Variants in GSTT4 observed in about 807,000 individuals in gnomAD.
GSTT4 encodes glutathione S-transferase theta 4, also known as glutathione S-transferase theta-4.
At chr22:23,992,992 T>C in the GSTT4 span, among the ~76,000 whole-genome samples, 3 of 152,124 alleles carry the variant, frequency 2.0e-5, no homozygotes, top group African/African-American at 4.8e-5. Context: ...AGGGTGCTCT[T>C]GAATTCCTTG....
chr22:24,002,830 C>CAA (rs57115393), intron 2 of GSTT4, among the ~76,000 whole-genome samples: 2,506 of 88,870 alleles, frequency 0.028, 158 homozygotes, highest in East Asian at 0.19. Context: ...GACTCCGTCT[C>CAA]AAAAAAAAAA....
chr22:23,991,782 C>T, the GSTT4 span, among the ~76,000 whole-genome samples: 8 of 141,362 alleles, frequency 5.7e-5, no homozygotes, highest in Admixed American at 1.5e-4. Flanking sequence ...AGGCTGGGCG[C>T]GGTGGCTCAC....
chr22:23,993,068 T>G, the GSTT4 span, among the ~76,000 whole-genome samples: 2 of 53,264 alleles, frequency 3.8e-5, no homozygotes, highest in Non-Finnish European at 9.3e-5. Context: ...CCACCACCCC[T>G]GGCCTCTCTC....
chr22:23,995,474 T>G (rs1165963406), downstream of GSTT4, among the ~76,000 whole-genome samples: 1 of 152,028 alleles, frequency 6.6e-6, no homozygotes, highest in Non-Finnish European at 1.5e-5. Context: ...GTTCAACAGA[T>G]TCCAACCGAA....
At chr22:23,999,289 C>T (rs2034174906) in intron 4 of GSTT4, among the ~76,000 whole-genome samples, 1 of 152,012 alleles carries the variant, frequency 6.6e-6, no homozygotes, top group Admixed American at 6.5e-5. Context: ...AAGCATATGG[C>T]TGAACCCTTG....
downstream of GSTT4, among the ~76,000 whole-genome samples, chr22:23,994,680 C>G (rs955047612): frequency 1.3e-4 from 19 of 141,246 alleles, no homozygotes; most frequent in Non-Finnish European, 3.0e-4. Context: ...CTCTACTGTG[C>G]TTATTGTTTG....
At chr22:23,993,015 C>T in the GSTT4 span, among the ~76,000 whole-genome samples, 75 of 152,278 alleles carry the variant, frequency 4.9e-4, 1 homozygote, top group East Asian at 0.014. Flanking sequence ...TCAAGTGATC[C>T]TCCCACCTCA....
At chr22:23,995,681 T>C (rs979258947), downstream of GSTT4, among the ~76,000 whole-genome samples, 31 of 152,306 alleles carry the variant, frequency 2.0e-4, no homozygotes, top group Admixed American at 7.8e-4. Context: ...AGATGGGTGC[T>C]TGCTGAAGAG....
chr22:23,991,943 C>T, the GSTT4 span, among the ~76,000 whole-genome samples: 1 of 141,230 alleles, frequency 7.1e-6, no homozygotes, highest in African/African-American at 2.6e-5. Flanking sequence ...GTCCCAGCTA[C>T]TCGGGAGGCT....
chr22:23,994,310 T>G (rs381161), downstream of GSTT4, among the ~76,000 whole-genome samples: 9,212 of 151,834 alleles, frequency 0.061, 370 homozygotes, highest in East Asian at 0.19. Flanking sequence ...ATTCAGTGGT[T>G]TTTAGTATAT....
Position 24,001,831 on chromosome 22 carries a change from A to G in GSTT4, c.201-506T>C, listed in dbSNP as rs936792959. 1.4e-4 allele frequency among the ~76,000 whole-genome samples: 22 copies of G among 152,366 alleles called. No individual in the cohort carries two copies. In the South Asian group the frequency reaches 4.6e-3, roughly 32 times the overall value. On this transcript the variant is annotated intron_variant, in intron 2 of 4. Transcript: ENST00000621179. The stretch of plus-strand genomic sequence containing the variant: ...TGAAACCCTGTCTCTACTAAAATGA[A>G]AATACAAAAATTAGCTAGTTGTGGT...
In GSTT4 at chr22:23,998,613, C is replaced by A. The variant is rs568075335; in HGVS notation, c.655G>T (p.Asp219Tyr). 1.3e-5 allele frequency: 2 copies of A among 155,244 alleles called. No homozygotes were observed. The highest frequency in any genetic ancestry group is 4.1e-4 in the South Asian group (2 of 4,916). 9.6% of individuals were successfully genotyped at this position (155,244 alleles called of 1,614,324 possible). ...EAHDRLMQLA[D>Y]WDFSTLDSMV... ...GAATCCAATGTTGAAAAGTCCCAGT[C>A]GGCCAACTGCATTAGTCGATCATGG... The change falls in exon 5 of 5, where the codon GAC becomes TAC. Residue 219 changes from aspartate (D) to tyrosine (Y), a missense_variant. By Grantham distance (160) the Asp-to-Tyr change is radical. Transcript: ENST00000621179.
intron 2 of GSTT4, among the ~76,000 whole-genome samples, chr22:24,003,076 C>A (rs1286762136): frequency 6.6e-6 from 1 of 152,256 alleles, no homozygotes; most frequent in Non-Finnish European, 1.5e-5. Context: ...CTCAAGCGAT[C>A]CTCCCGTGTC....
chr22:23,997,623 T>G (rs146701302), downstream of GSTT4, among the ~76,000 whole-genome samples: 890 of 152,260 alleles, frequency 5.8e-3, 28 homozygotes, highest in Admixed American at 0.037. Context: ...AAGATCCAAT[T>G]TTTGGTTTTA....
chr22:23,994,127 T>G (rs2034094041), downstream of GSTT4, among the ~76,000 whole-genome samples: 1 of 152,086 alleles, frequency 6.6e-6, no homozygotes, highest in African/African-American at 2.4e-5. Context: ...GATATAATGT[T>G]CAAATTTACA....
At position 24,002,993 on chromosome 22, in the gene GSTT4, C is replaced by G. The variant is rs1270576529; in HGVS notation, c.200+767G>C. On this transcript the variant is annotated intron_variant, in intron 2 of 4. Transcript: ENST00000621179. ...GTATCTTAATGGTATCGTAGTGATG[C>G]TACGCTCTATCCTAGCCCAGGCTGG... 3.9e-5 allele frequency among the ~76,000 whole-genome samples: 6 copies of G among 152,314 alleles called. No individual in the cohort carries two copies. The East Asian group carries it at 1.2e-3, about 29-fold the overall frequency.
At chr22:23,990,886 A>G in the GSTT4 span, among the ~76,000 whole-genome samples, 2 of 97,242 alleles carry the variant, frequency 2.1e-5, no homozygotes, top group East Asian at 2.5e-4. Flanking sequence ...AAAATAGACA[A>G]CCAGTGGGGC....
downstream of GSTT4, chr22:23,998,280 T>G (rs1204757812): frequency 7.5e-6 from 1 of 133,574 alleles, no homozygotes; most frequent in Non-Finnish European, 1.7e-5. Context: ...TTACTCACAA[T>G]GTAACCATAT....
At chr22:23,993,817 C>A (rs1426750176), downstream of GSTT4, among the ~76,000 whole-genome samples, 1 of 151,406 alleles carries the variant, frequency 6.6e-6, no homozygotes, top group Non-Finnish European at 1.5e-5. Flanking sequence ...GCCTTCCAAG[C>A]CTTATGTGTG....
Sources: allele counts gnomAD v4.1 joint callset (sites outside exome capture counted in the v4.1 genomes callset), GRCh38; gene constraint gnomAD v4.1.1; transcripts MANE v1.5; gene names NCBI Gene and HGNC (gene_info 2026-07-23, HGNC 2026-07-21).